Variants in LSM12 observed in about 807,000 individuals in gnomAD.
LSM12 encodes protein LSM12.
For missense variants in LSM12, 108 were observed against 238.9 expected, an observed-to-expected ratio of 0.45 and a Z score of 3.61; for synonymous variants, 74 against 87.3, an observed-to-expected ratio of 0.85 and a Z score of 0.85.
At position 44,036,203 on chromosome 17, in the gene LSM12, C is replaced by T. The variant is rs757090243; in HGVS notation, c.*5G>A. 6 of 1,609,984 alleles carry T rather than the reference C, an allele frequency of 3.7e-6. No individual in the cohort carries two copies. Among genetic ancestry groups the T allele is most frequent in the Admixed American group, 3.4e-5 (2 of 59,616 alleles). On this transcript the variant is annotated 3_prime_UTR_variant, in exon 5 of 5. Transcript: ENST00000293406. ...ATGCTGGAAGAGTCCTCCATGTGTA[C>T]GGACTCAGGATGACAGGGCAGCCTC...
At chr17:44,036,613 G>A (rs1221360270) in intron 4 of LSM12, among the ~76,000 whole-genome samples, 1 of 151,874 alleles carries the variant, frequency 6.6e-6, no homozygotes, top group Admixed American at 6.6e-5. Flanking sequence ...AGTACAAAAT[G>A]AAAAGCTGCT....
intron 2 of LSM12, among the ~76,000 whole-genome samples, chr17:44,044,363 G>A (rs1470364884): frequency 6.7e-6 from 1 of 148,248 alleles, no homozygotes; most frequent in African/African-American, 2.5e-5. Flanking sequence ...CAAAATACCA[G>A]TTGTGCAAGT....
chr17:44,045,514 T>C (rs1425855877), intron 2 of LSM12, among the ~76,000 whole-genome samples: 1 of 152,212 alleles, frequency 6.6e-6, no homozygotes, highest in Non-Finnish European at 1.5e-5. Flanking sequence ...TTCTACCTTT[T>C]ATATATTCAT....
intron 3 of LSM12, 45 bp from the exon 4 acceptor site, chr17:44,037,583 T>A (rs995680655): frequency 6.5e-7 from 1 of 1,545,500 alleles, no homozygotes; most frequent in Non-Finnish European, 8.7e-7. Context: ...CTTGGGGGCA[T>A]CCCACATCTC....
chr17:44,061,426 T>C (rs1373379604), intron 2 of LSM12, among the ~76,000 whole-genome samples: 1 of 152,040 alleles, frequency 6.6e-6, no homozygotes, highest in African/African-American at 2.4e-5. Flanking sequence ...AGAAGGTATA[T>C]TACTAAGCCA....
At chr17:44,052,915 T>TA in intron 2 of LSM12, among the ~76,000 whole-genome samples, 1 of 152,088 alleles carries the variant, frequency 6.6e-6, no homozygotes, top group East Asian at 1.9e-4. Flanking sequence ...AATAAATAAA[T>TA]AAAGTGTTAC....
At chr17:44,057,588 T>C (rs1193009494) in intron 2 of LSM12, among the ~76,000 whole-genome samples, 1 of 150,776 alleles carries the variant, frequency 6.6e-6, no homozygotes, top group Non-Finnish European at 1.5e-5. Context: ...GGTGAAACCC[T>C]GTCTCTACCA....
chr17:44,055,921 C>G (rs1370233263), intron 2 of LSM12, among the ~76,000 whole-genome samples: 3 of 151,592 alleles, frequency 2.0e-5, no homozygotes, highest in Non-Finnish European at 4.4e-5. Flanking sequence ...AACCGTGAAA[C>G]TGGTAGAATT....
chr17:44,040,819 C>CAA (rs1180250412), intron 2 of LSM12, among the ~76,000 whole-genome samples: 18,050 of 119,460 alleles, frequency 0.15, 1,440 homozygotes, highest in Non-Finnish European at 0.21. Context: ...ACTAAAAATA[C>CAA]AAAAAAAAAA....
chr17:44,051,840 G>A (rs73306674), intron 2 of LSM12, among the ~76,000 whole-genome samples: 1,885 of 152,128 alleles, frequency 0.012, 37 homozygotes, highest in African/African-American at 0.043. Flanking sequence ...AGGCACAGTG[G>A]TTCACGCTTA....
At chr17:44,047,194 G>A (rs188337630) in intron 2 of LSM12, among the ~76,000 whole-genome samples, 3 of 152,186 alleles carry the variant, frequency 2.0e-5, no homozygotes. Context: ...GTGCTTATTT[G>A]TAATTACTGT....
At chr17:44,059,445 C>T (rs1278824803) in intron 2 of LSM12, among the ~76,000 whole-genome samples, 5 of 151,934 alleles carry the variant, frequency 3.3e-5, no homozygotes, top group Admixed American at 1.3e-4. Flanking sequence ...AAAAATTAGC[C>T]GGGCATGGTG....
chr17:44,060,467 A>G (rs2049781773), intron 2 of LSM12, among the ~76,000 whole-genome samples: 2 of 152,208 alleles, frequency 1.3e-5, no homozygotes, highest in South Asian at 4.1e-4. Flanking sequence ...AGCATCCTAA[A>G]AGGTTGATTT....
At chr17:44,041,334 A>ACACACAAAC (rs2049491143) in intron 2 of LSM12, among the ~76,000 whole-genome samples, 21 of 104,540 alleles carry the variant, frequency 2.0e-4, no homozygotes, top group Non-Finnish European at 1.9e-4. Context: ...CACACACACA[A>ACACACAAAC]ACACACACAC....
intron 2 of LSM12, among the ~76,000 whole-genome samples, chr17:44,049,406 T>C (rs2049613482): frequency 6.6e-6 from 1 of 151,916 alleles, no homozygotes; most frequent in Non-Finnish European, 1.5e-5. Context: ...GCCTACAGAG[T>C]AGCTGAGACT....
rs532536973 is a variant in LSM12, at chr17:44,039,405, C to T, written c.368+742G>A. Reference sequence around the variant, plus strand: ...TTTTTTTTTTTTTGAGACGGAGTCTCGCTCTGTCGCCCAGGCCGGACTGCG... The same window carrying T: ...TTTTTTTTTTTTTGAGACGGAGTCTTGCTCTGTCGCCCAGGCCGGACTGCG... On this transcript the variant is annotated intron_variant, in intron 3 of 4. Transcript: ENST00000293406. Among the ~76,000 whole-genome samples, 196 of 107,430 alleles carry T rather than the reference C, an allele frequency of 1.8e-3. 1 individual carries two copies. Among genetic ancestry groups the T allele is most frequent in the African/African-American group, 6.6e-3 (181 of 27,578 alleles). The allele number at this position is 107,430 out of a possible 152,430, so 70.5% of individuals were successfully genotyped here. A position where few individuals can be genotyped will look rare whatever the true frequency, so the allele number is the denominator to read the frequency against.
At chr17:44,057,768 AC>A (rs1291122617) in intron 2 of LSM12, among the ~76,000 whole-genome samples, 43 of 151,758 alleles carry the variant, frequency 2.8e-4, no homozygotes, top group African/African-American at 9.7e-4. Context: ...CAAAAAAAAA[AC>A]AAAGTAATAA....
At chr17:44,040,034 A>AC in intron 3 of LSM12, 113 bp downstream of exon 3, 1 of 707,004 alleles carries the variant, frequency 1.4e-6, no homozygotes, top group Non-Finnish European at 2.4e-6. Context: ...CCAATACCCT[A>AC]CCCAGCTTCC....
At chr17:44,052,480 C>T (rs1377359649) in intron 2 of LSM12, among the ~76,000 whole-genome samples, 2 of 151,930 alleles carry the variant, frequency 1.3e-5, no homozygotes, top group East Asian at 1.9e-4. Flanking sequence ...ACAAACAGGC[C>T]GGGTGCGGTG....
Sources: allele counts gnomAD v4.1 joint callset (sites outside exome capture counted in the v4.1 genomes callset), GRCh38; gene constraint gnomAD v4.1.1; transcripts MANE v1.5; gene names NCBI Gene and HGNC (gene_info 2026-07-23, HGNC 2026-07-21).